ATP8A2: variants seen among roughly 807,000 people sequenced by gnomAD.
ATP8A2 encodes phospholipid-transporting ATPase IB.
In ATP8A2, 100 loss-of-function variants were observed where a neutral mutation model predicts 165.6. The observed-to-expected ratio is 0.60, with a 90% CI of 0.51 to 0.71. ATP8A2 has a LOEUF of 0.71. Ranked by LOEUF, ATP8A2 falls within the 30% of genes least tolerant of loss-of-function variation. The probability of loss-of-function intolerance (pLI) is 0.00; values close to 1 mark genes in which losing one functional copy is unlikely to be tolerated. For synonymous variants in ATP8A2, 543 were observed against 548.8 expected, an observed-to-expected ratio of 0.99 and a Z score of 0.15; for missense variants, 1,227 against 1,479.5, an observed-to-expected ratio of 0.83 and a Z score of 2.80.
intron 2 of ATP8A2, among the ~76,000 whole-genome samples, chr13:25,495,624 C>CTT (rs11369713): frequency 0.049 from 4,332 of 88,184 alleles, 143 homozygotes; most frequent in South Asian, 0.12. Flanking sequence ...GCATGCCTTG[C>CTT]TTTTTTTTTT....
At chr13:25,626,512 G>C (rs1210349067) in intron 24 of ATP8A2, among the ~76,000 whole-genome samples, 1 of 152,020 alleles carries the variant, frequency 6.6e-6, no homozygotes, top group Non-Finnish European at 1.5e-5. Flanking sequence ...ATGAATTTGG[G>C]GGTTAAGTTT....
intron 27 of ATP8A2, among the ~76,000 whole-genome samples, chr13:25,780,364 A>G (rs2044846343): frequency 6.6e-6 from 1 of 152,204 alleles, no homozygotes; most frequent in Admixed American, 6.5e-5. Flanking sequence ...TTGGCAACAC[A>G]TACAAGAAAT....
chr13:26,009,677 G>A (rs1187200736), intron 35 of ATP8A2, among the ~76,000 whole-genome samples: 2 of 152,162 alleles, frequency 1.3e-5, no homozygotes, highest in African/African-American at 2.4e-5. Context: ...ATGGGAGGGT[G>A]TACCTCCTTG....
At chr13:25,610,025 G>A (rs1240078775) in intron 24 of ATP8A2, among the ~76,000 whole-genome samples, 1 of 151,958 alleles carries the variant, frequency 6.6e-6, no homozygotes, top group African/African-American at 2.4e-5. Flanking sequence ...TCCTTTATTG[G>A]ATGTATAGAT....
At chr13:25,777,370 CT>C (rs1164984623) in intron 27 of ATP8A2, among the ~76,000 whole-genome samples, 2 of 152,166 alleles carry the variant, frequency 1.3e-5, no homozygotes, top group African/African-American at 4.8e-5. Context: ...TAGGAAAGTA[CT>C]ACTTACTTGC....
intron 24 of ATP8A2, among the ~76,000 whole-genome samples, chr13:25,694,797 A>G (rs958287545): frequency 1.3e-5 from 2 of 152,144 alleles, no homozygotes; most frequent in Non-Finnish European, 2.9e-5. Flanking sequence ...CACCCTTCTG[A>G]GTAGCTGGGA....
intron 24 of ATP8A2, among the ~76,000 whole-genome samples, chr13:25,685,957 A>T (rs1421755359): frequency 6.6e-6 from 1 of 152,142 alleles, no homozygotes; most frequent in Non-Finnish European, 1.5e-5. Context: ...GTCTAGATGC[A>T]TTTCAGAGGC....
intron 33 of ATP8A2, among the ~76,000 whole-genome samples, chr13:25,937,886 G>A (rs1360662452): frequency 6.8e-5 from 10 of 147,290 alleles, no homozygotes; most frequent in African/African-American, 2.2e-4. Flanking sequence ...AAAGACATAG[G>A]AAAGGAGGTC....
chr13:25,743,061 C>G (rs1194439803), intron 25 of ATP8A2, among the ~76,000 whole-genome samples: 1 of 152,068 alleles, frequency 6.6e-6, no homozygotes, highest in Non-Finnish European at 1.5e-5. Context: ...TTGTTTAAAA[C>G]TAGGGTCATT....
In ATP8A2 at chr13:25,819,155, CA is replaced by C. The variant is rs1194218281; in HGVS notation, c.2680-8953del. ...TACAGCATTTTTGTTGTGGTTTTTA[CA>C]AAAAAAAAATGGATTCTGTGCATTG... On this transcript the variant is annotated intron_variant, in intron 27 of 36. Coordinates refer to ENST00000381655, the MANE Select transcript of ATP8A2 (RefSeq NM_016529.6). Among the ~76,000 whole-genome samples the C allele has an allele frequency of 4.7e-3, 691 of 147,486 alleles. 5 individuals are homozygous for C. Among genetic ancestry groups the C allele is most frequent in the African/African-American group, 0.015 (596 of 40,434 alleles).
chr13:25,938,191 G>C (rs1436298402), intron 33 of ATP8A2, among the ~76,000 whole-genome samples: 1 of 151,144 alleles, frequency 6.6e-6, no homozygotes, highest in Non-Finnish European at 1.5e-5. Context: ...AAAAAAAGTT[G>C]AAGTACATTA....
intron 34 of ATP8A2, among the ~76,000 whole-genome samples, chr13:25,964,630 T>G (rs913682393): frequency 6.6e-6 from 1 of 152,142 alleles, no homozygotes; most frequent in Non-Finnish European, 1.5e-5. Flanking sequence ...TCCTTGGATT[T>G]GAGTTGTCAA....
chr13:25,999,973 GGTAAAGT>G (rs1956602083), intron 35 of ATP8A2, among the ~76,000 whole-genome samples: 1 of 152,116 alleles, frequency 6.6e-6, no homozygotes, highest in African/African-American at 2.4e-5. Flanking sequence ...CTTTAACTAA[GGTAAAGT>G]TTTAGATAAA....
intron 24 of ATP8A2, among the ~76,000 whole-genome samples, chr13:25,628,557 A>G (rs758111457): frequency 6.6e-6 from 1 of 151,962 alleles, no homozygotes; most frequent in Non-Finnish European, 1.5e-5. Flanking sequence ...ATGACAAAAT[A>G]CCACAAACTG....
At chr13:26,009,521 GTGT>G (rs1277585019) in intron 35 of ATP8A2, among the ~76,000 whole-genome samples, 1 of 152,216 alleles carries the variant, frequency 6.6e-6, no homozygotes, top group Non-Finnish European at 1.5e-5. Flanking sequence ...CAGACCTGGG[GTGT>G]GCACATTGGC....
intron 2 of ATP8A2, among the ~76,000 whole-genome samples, chr13:25,496,012 G>T (rs1262474011): frequency 6.6e-6 from 1 of 152,082 alleles, no homozygotes; most frequent in African/African-American, 2.4e-5. Flanking sequence ...TGCACATTCA[G>T]GCTGTATGCT....
At chr13:25,584,256 A>C (rs2039857378) in intron 23 of ATP8A2, among the ~76,000 whole-genome samples, 2 of 152,164 alleles carry the variant, frequency 1.3e-5, no homozygotes, top group Admixed American at 1.3e-4. Context: ...CGGACATTTT[A>C]TTAGACTTTT....
chr13:25,968,472 A>C, intron 34 of ATP8A2, 103 bp from the exon 35 acceptor site: 1 of 999,200 alleles, frequency 1.0e-6, no homozygotes, highest in Non-Finnish European at 1.5e-6. Context: ...CTCGGCCTCC[A>C]CCAAAGGGCA....
rs749733340 is a variant in ATP8A2, at chr13:25,579,953, C to T, written c.2007+6C>T. The stretch of plus-strand genomic sequence containing the variant: ...GTTACGAGATCATTGAGAAGGTAAC[C>T]GCACACAATACAGTCTTTTCAGCTC... On this transcript the variant is annotated splice_donor_region_variant and intron_variant, in intron 22 of 36. Coordinates refer to ENST00000381655, the MANE Select transcript of ATP8A2 (RefSeq NM_016529.6). 1.1e-5 allele frequency: 17 copies of T among 1,613,752 alleles called. No individual in the cohort carries two copies. The highest frequency in any genetic ancestry group is 8.9e-5 in the East Asian group (4 of 44,852).
Sources: gnomAD v4.1 joint callset for allele counts (sites outside exome capture counted in the v4.1 genomes callset) on GRCh38, gnomAD v4.1.1 for gene constraint, MANE v1.5 for transcripts, NCBI Gene and HGNC (gene_info 2026-07-23, HGNC 2026-07-21) for gene names.